Variants in CTIF observed in about 807,000 individuals in gnomAD.
The protein encoded by CTIF is cap binding complex dependent translation initiation factor.
In CTIF, 21 loss-of-function variants were observed where a neutral mutation model predicts 66.0. That is an observed-to-expected ratio of 0.32 (90% confidence interval 0.23 to 0.46). The LOEUF is 0.46. CTIF is among the 20% of genes least tolerant of loss of function. The pLI is 1.00. For missense variants in CTIF, 739 were observed against 812.7 expected (o/e 0.91, Z 1.10); for synonymous variants, 345 against 326.4 (o/e 1.06, Z -0.62).
intron 1 of CTIF, among the ~76,000 whole-genome samples, chr18:48,614,521 T>C (rs2090363270): frequency 6.6e-6 from 1 of 151,918 alleles, no homozygotes; most frequent in Admixed American, 6.6e-5. Context: ...TGTGATACGA[T>C]GTCTTATTCA....
chr18:48,712,993 G>T (rs181695336), intron 7 of CTIF, among the ~76,000 whole-genome samples: 21 of 152,316 alleles, frequency 1.4e-4, no homozygotes, highest in African/African-American at 3.6e-4. Context: ...GAAGCACCAG[G>T]CATCAAAAAG....
At chr18:48,640,412 GC>G (rs2090906419) in intron 3 of CTIF, among the ~76,000 whole-genome samples, 1 of 152,252 alleles carries the variant, frequency 6.6e-6, no homozygotes, top group Non-Finnish European at 1.5e-5. Context: ...GCCTGAGACT[GC>G]ACTGAGTTGG....
At chr18:48,646,919 A>C (rs1482596280) in intron 3 of CTIF, among the ~76,000 whole-genome samples, 3 of 151,208 alleles carry the variant, frequency 2.0e-5, no homozygotes, top group South Asian at 2.1e-4. Context: ...AAAAAAAAAA[A>C]AAAAAACGAA....
intron 11 of CTIF, among the ~76,000 whole-genome samples, chr18:48,857,970 G>A (rs972923743): frequency 1.3e-5 from 2 of 152,236 alleles, no homozygotes; most frequent in Non-Finnish European, 2.9e-5. Flanking sequence ...GATTACCTCT[G>A]CCCTCAAATA....
At chr18:48,754,011 C>G (rs1908094163) in intron 7 of CTIF, among the ~76,000 whole-genome samples, 1 of 152,236 alleles carries the variant, frequency 6.6e-6, no homozygotes, top group South Asian at 2.1e-4. Context: ...CGACCGCTGA[C>G]AAATATTTGT....
intron 3 of CTIF, among the ~76,000 whole-genome samples, chr18:48,657,363 C>A (rs1403842231): frequency 6.6e-6 from 1 of 152,126 alleles, no homozygotes; most frequent in African/African-American, 2.4e-5. Flanking sequence ...ACTATATAAT[C>A]TTTTTGATTT....
chr18:48,631,398 G>T (rs968671913), intron 2 of CTIF, among the ~76,000 whole-genome samples: 3 of 152,194 alleles, frequency 2.0e-5, no homozygotes, highest in African/African-American at 7.2e-5. Flanking sequence ...CCCCAGAGGG[G>T]AAGGTTGCAG....
intron 6 of CTIF, chr18:48,673,633 C>G (rs566227273): frequency 3.3e-5 from 5 of 152,280 alleles, no homozygotes; most frequent in African/African-American, 1.2e-4. Context: ...AGGTGGATTG[C>G]GTTCTGTGGC....
chr18:48,813,719 C>T (rs2068306776), intron 9 of CTIF, among the ~76,000 whole-genome samples: 1 of 152,228 alleles, frequency 6.6e-6, no homozygotes, highest in Middle Eastern at 3.2e-3. Context: ...GAGTCAAGAG[C>T]TAGTTCTTTG....
chr18:48,549,768 G>A (rs2088839819), intron 1 of CTIF, among the ~76,000 whole-genome samples: 1 of 152,222 alleles, frequency 6.6e-6, no homozygotes, highest in Admixed American at 6.5e-5. Flanking sequence ...CTCCGCTCCA[G>A]TGGAGGAGGA....
At chr18:48,663,579 TG>T (rs1030566652) in intron 3 of CTIF, among the ~76,000 whole-genome samples, 172 bp from the exon 4 acceptor site, 39 of 152,032 alleles carry the variant, frequency 2.6e-4, no homozygotes, top group African/African-American at 8.7e-4. Flanking sequence ...GGCCTATGCC[TG>T]GGGGGAGGCC....
Position 48,859,416 on chromosome 18 carries a change from G to T in CTIF, c.1654G>T (p.Asp552Tyr). The T allele has an allele frequency of 6.2e-7, 1 of 1,614,146 alleles. No homozygotes were observed. Among genetic ancestry groups the T allele is most frequent in the Non-Finnish European group, 8.5e-7 (1 of 1,180,030 alleles). Residue 552 changes from aspartate to tyrosine, a missense_variant, in exon 12 of 12, where the codon GAC becomes TAC. Asp to Tyr is a radical substitution (Grantham distance 160). Transcript: ENST00000256413. The part of the protein sequence containing the change: ...MMTELLASAR[D>Y]KMLCPSESML... ...GACAGAGCTCCTGGCCAGCGCACGG[G>T]ACAAGATGCTGTGCCCCTCGGAGTC...
chr18:48,670,832 C>A, intron 6 of CTIF, 88 bp downstream of exon 6: 1 of 1,123,328 alleles, frequency 8.9e-7, no homozygotes, highest in African/African-American at 1.5e-5. Flanking sequence ...CAAAGCACTC[C>A]TTCTGGCTGC....
At chr18:48,543,999 A>G (rs2088686790) in intron 1 of CTIF, among the ~76,000 whole-genome samples, 1 of 152,228 alleles carries the variant, frequency 6.6e-6, no homozygotes, top group South Asian at 2.1e-4. Flanking sequence ...AGTGCTCTTA[A>G]GCTTGGTCTG....
chr18:48,557,833 A>G (rs1411150829), intron 1 of CTIF, among the ~76,000 whole-genome samples: 1 of 152,234 alleles, frequency 6.6e-6, no homozygotes, highest in Non-Finnish European at 1.5e-5. Flanking sequence ...GTGTTTGTGC[A>G]CATGGGAAGA....
chr18:48,646,923 A>C (rs984130907), intron 3 of CTIF, among the ~76,000 whole-genome samples: 7 of 150,462 alleles, frequency 4.7e-5, no homozygotes, highest in Admixed American at 1.3e-4. Flanking sequence ...AAAAAAAAAA[A>C]AACGAAACCT....
intron 7 of CTIF, among the ~76,000 whole-genome samples, chr18:48,733,795 A>ACCAGCCCACC: frequency 1.3e-5 from 2 of 152,112 alleles, no homozygotes; most frequent in Non-Finnish European, 1.5e-5. Flanking sequence ...CTCAGCTCCC[A>ACCAGCCCACC]CCAGCCCACC....
intron 7 of CTIF, among the ~76,000 whole-genome samples, chr18:48,747,148 A>T (rs745939022): frequency 1.3e-5 from 2 of 152,204 alleles, no homozygotes; most frequent in Non-Finnish European, 2.9e-5. Flanking sequence ...CAAAGCTGGT[A>T]TGTGGCTCTA....
intron 10 of CTIF, among the ~76,000 whole-genome samples, chr18:48,830,308 C>T (rs2068663319): frequency 6.6e-6 from 1 of 152,140 alleles, no homozygotes. Context: ...GGATTACAGG[C>T]GTGTGCCACC....
Sources: gnomAD v4.1 joint callset for allele counts (sites outside exome capture counted in the v4.1 genomes callset) on GRCh38, gnomAD v4.1.1 for gene constraint, MANE v1.5 for transcripts, NCBI Gene and HGNC (gene_info 2026-07-23, HGNC 2026-07-21) for gene names.